The following ALPK1 variants were observed in gnomAD, a reference collection of about 807,000 sequenced individuals.
ALPK1 encodes alpha-protein kinase 1.
ALPK1 carries 110 observed loss-of-function variants against 120.6 expected under a neutral mutation model. The observed-to-expected ratio is 0.91, with a 90% CI of 0.78 to 1.07. The LOEUF (loss-of-function observed/expected upper bound fraction) is 1.07, where lower values mean the gene tolerates loss of function less well. Among genes scored for constraint, ALPK1 ranks in the 50% least tolerant of loss-of-function variants. The probability of loss-of-function intolerance (pLI) is 0.00; values close to 1 mark genes in which losing one functional copy is unlikely to be tolerated. For synonymous variants in ALPK1, 582 were observed against 560.3 expected (o/e 1.04, Z -0.55); for missense variants, 1,498 against 1,483.9 (o/e 1.01, Z -0.16).
Position 112,431,860 on chromosome 4 carries a change from A to G in ALPK1, c.2313A>G (p.Glu771=), listed in dbSNP as rs760057157. The G allele has an allele frequency of 6.2e-7, 1 of 1,614,056 alleles. No homozygotes were observed. The highest frequency in any genetic ancestry group is 1.1e-5 in the South Asian group (1 of 91,086). Residue 771 remains glutamate, a synonymous_variant, in exon 11 of 16, where the codon GAA becomes GAG. Coordinates refer to ENST00000650871, the MANE Select transcript of ALPK1 (RefSeq NM_025144.4). ...QGKEQGEEIS[E]RGAGPTFKAS... is the part of the protein sequence containing the mutation. ...AAGAGCAGGGAGAAGAAATTAGTGA[A>G]AGAGGCGCAGGCCCTACATTTAAAG...
At chr4:112,319,714 T>G (rs890808699) in intron 2 of ALPK1, among the ~76,000 whole-genome samples, 1 of 152,216 alleles carries the variant, frequency 6.6e-6, no homozygotes, top group African/African-American at 2.4e-5. Context: ...CATCTATCAT[T>G]TCTTTCAGCA....
intron 4 of ALPK1, among the ~76,000 whole-genome samples, chr4:112,388,254 A>G (rs1166711568): frequency 1.3e-5 from 2 of 152,244 alleles, no homozygotes; most frequent in African/African-American, 2.4e-5. Context: ...ATAAACATGA[A>G]TAAATATAAG....
chr4:112,321,930 A>G (rs1699145789), intron 2 of ALPK1, among the ~76,000 whole-genome samples: 1 of 152,212 alleles, frequency 6.6e-6, no homozygotes, highest in Admixed American at 6.5e-5. Flanking sequence ...TAAACACACT[A>G]GTTAAAAGTG....
At chr4:112,406,377 T>C (rs770375308) in intron 4 of ALPK1, among the ~76,000 whole-genome samples, 4 of 152,214 alleles carry the variant, frequency 2.6e-5, no homozygotes, top group Non-Finnish European at 5.9e-5. Context: ...GTAAAAAGAC[T>C]AATGCTGTAT....
At chr4:112,364,178 C>T (rs956694326) in intron 2 of ALPK1, among the ~76,000 whole-genome samples, 4 of 151,758 alleles carry the variant, frequency 2.6e-5, no homozygotes, top group Admixed American at 1.3e-4. Context: ...AAAGCAAACA[C>T]AAACCCAGCA....
In ALPK1 at chr4:112,412,048, C is replaced by G. The variant is rs770023639; in HGVS notation, c.475+23C>G. The G allele has an allele frequency of 8.7e-6, 14 of 1,612,060 alleles. No homozygotes were observed. The East Asian group carries it at 8.9e-5, about 10-fold the overall frequency. ...CAGGTATGCTCCCTCCTGCTGGCCG[C>G]CCCCGCGTCCTCAGTGTCTTCTGGT... On this transcript the variant is annotated intron_variant, in intron 5 of 15. Coordinates refer to ENST00000650871, the MANE Select transcript of ALPK1 (RefSeq NM_025144.4).
intron 2 of ALPK1, among the ~76,000 whole-genome samples, chr4:112,326,504 G>C (rs577827592): frequency 6.6e-5 from 10 of 152,082 alleles, no homozygotes; most frequent in Non-Finnish European, 1.2e-4. Context: ...AAGTCTTAAT[G>C]GAATGAATAA....
chr4:112,377,226 A>G (rs1320408878), intron 2 of ALPK1, among the ~76,000 whole-genome samples: 3 of 152,196 alleles, frequency 2.0e-5, no homozygotes, highest in Non-Finnish European at 4.4e-5. Context: ...ATCATGCTAA[A>G]TATTATGAAG....
intron 2 of ALPK1, among the ~76,000 whole-genome samples, chr4:112,340,680 C>T (rs1421938198): frequency 6.6e-6 from 1 of 152,166 alleles, no homozygotes; most frequent in Admixed American, 6.5e-5. Context: ...TTGTGATTTC[C>T]ACTTTGTGCG....
intron 8 of ALPK1, 34 bp from the exon 9 acceptor site, chr4:112,427,536 C>T (rs1371084878): frequency 6.6e-7 from 1 of 1,512,480 alleles, no homozygotes; most frequent in Admixed American, 1.7e-5. Context: ...ACTGTGAATT[C>T]CCGATCTGTG....
chr4:112,423,987 C>G lies in ALPK1; in HGVS notation c.519C>G (p.Ser173Arg). ...KAEYILSSLI[S>R]NNGATGTWLY... is the part of the protein sequence containing the mutation. Reference sequence around the variant, plus strand: ...AGTATATTCTGAGCAGTCTAATAAGCAACAATGGAGCAACGGGTGAGTACT... The same window carrying G: ...AGTATATTCTGAGCAGTCTAATAAGGAACAATGGAGCAACGGGTGAGTACT... The change falls in exon 6 of 16, where the codon AGC (serine) becomes AGG (arginine). Residue 173 changes from serine to arginine, a missense_variant. Ser to Arg is a moderately radical substitution (Grantham distance 110). Transcript: ENST00000650871. 1 of 1,613,894 alleles carries G rather than the reference C, an allele frequency of 6.2e-7. No homozygotes were observed. The highest frequency in any genetic ancestry group is 8.5e-7 in the Non-Finnish European group (1 of 1,179,994).
At chr4:112,406,858 AC>A (rs1194672692) in intron 4 of ALPK1, among the ~76,000 whole-genome samples, 1 of 152,120 alleles carries the variant, frequency 6.6e-6, no homozygotes, top group East Asian at 1.9e-4. Flanking sequence ...GTCCCATCGC[AC>A]CTAGTCTATT....
intron 9 of ALPK1, chr4:112,428,233 A>G (rs1441544199): frequency 6.5e-6 from 1 of 152,724 alleles, no homozygotes; most frequent in Non-Finnish European, 1.5e-5. Flanking sequence ...TAACCTCTGC[A>G]GTTTACACAA....
At chr4:112,304,414 G>A (rs1325554811) in intron 1 of ALPK1, among the ~76,000 whole-genome samples, 2 of 152,232 alleles carry the variant, frequency 1.3e-5, no homozygotes, top group African/African-American at 2.4e-5. Flanking sequence ...AGCACCTGTT[G>A]TTTCCTGACT....
intron 2 of ALPK1, chr4:112,357,955 G>A (rs372563044): frequency 2.4e-5 from 18 of 759,350 alleles, no homozygotes; most frequent in East Asian, 1.1e-4. Context: ...TGCCTCCCCC[G>A]GGGTCTACCG....
intron 2 of ALPK1, among the ~76,000 whole-genome samples, chr4:112,366,156 TC>T (rs772603012): frequency 7.2e-5 from 11 of 152,074 alleles, no homozygotes; most frequent in Non-Finnish European, 1.6e-4. Context: ...GGCAAAGACT[TC>T]TTGACCAAGA....
intron 3 of ALPK1, among the ~76,000 whole-genome samples, chr4:112,378,693 T>C (rs1039780658): frequency 6.6e-6 from 1 of 152,234 alleles, no homozygotes; most frequent in African/African-American, 2.4e-5. Flanking sequence ...TTTAGCACTT[T>C]GCTATTCCTC....
chr4:112,431,315 A>G lies in ALPK1; in HGVS notation c.1768A>G (p.Ser590Gly), dbSNP rs1255889888. 2 of 1,614,220 alleles carry G rather than the reference A, an allele frequency of 1.2e-6. No homozygotes were observed. Among genetic ancestry groups the G allele is most frequent in the Non-Finnish European group, 1.7e-6 (2 of 1,180,042 alleles). ...SSAWSNLSGFSSSASWEEVNY... is the reference protein window; with the variant it reads ...SSAWSNLSGFGSSASWEEVNY... The stretch of plus-strand genomic sequence containing the variant: ...TGCTTGGAGCAACTTATCAGGGTTT[A>G]GTTCCTCTGCAAGCTGGGAGGAAGT... The change falls in exon 11 of 16, where the codon AGT (serine) becomes GGT (glycine). Residue 590 changes from serine (S) to glycine (G), a missense_variant. Physicochemically the swap from Ser to Gly is moderately conservative, Grantham distance 56 (BLOSUM62 0). Coordinates refer to ENST00000650871, the MANE Select transcript of ALPK1 (RefSeq NM_025144.4).
rs148869813 is a variant in ALPK1 at position 112,382,535 on chromosome 4, G to A, written c.259G>A (p.Gly87Arg). The change falls in exon 4 of 16, where the codon GGG becomes AGG. Residue 87 changes from glycine to arginine, a missense_variant. Coordinates refer to ENST00000650871, the MANE Select transcript of ALPK1 (RefSeq NM_025144.4). ...AAACCTGAAGGATGTGATTGGCGCC[G>A]GGTTGCAGCAGTTACTGGTAGGAAG... is the stretch of plus-strand genomic sequence containing the variant. ...KTNLKDVIGA[G>R]LQQLLASLRA... 21 of 1,614,118 alleles carry A rather than the reference G, an allele frequency of 1.3e-5. No individual in the cohort carries two copies. The African/African-American group carries it at 1.5e-4, about 11-fold the overall frequency.
Sources: gnomAD v4.1 joint callset for allele counts (sites outside exome capture counted in the v4.1 genomes callset) on GRCh38, gnomAD v4.1.1 for gene constraint, MANE v1.5 for transcripts, NCBI Gene and HGNC (gene_info 2026-07-23, HGNC 2026-07-21) for gene names.